GSTCD: variants seen among roughly 807,000 people sequenced by gnomAD.
The protein encoded by GSTCD is glutathione S-transferase C-terminal domain-containing protein.
Under a neutral mutation model 68.3 loss-of-function variants are expected in GSTCD, and 44 were observed. The observed-to-expected ratio is 0.64, with a 90% confidence interval of 0.51 to 0.83. The LOEUF is 0.83. GSTCD is among the 40% of genes least tolerant of loss of function. The pLI is 0.00. For synonymous variants in GSTCD, 273 were observed against 255.2 expected (o/e 1.07, Z -0.67); for missense variants, 739 against 735.9 (o/e 1.00, Z -0.05).
intron 1 of GSTCD, chr4:105,711,077 TTTTTGTTTTG>T (rs1276272534): frequency 2.6e-5 from 4 of 152,202 alleles, no homozygotes; most frequent in Non-Finnish European, 5.9e-5. Context: ...GGGGCATGTT[TTTTTGTTTTG>T]TTTTGTTTTG....
chr4:105,717,685 A>C lies in GSTCD; in HGVS notation c.72A>C (p.Gly24=). Reference sequence around the variant, plus strand: ...TGGACTTTTCTCACCAAACAGAAGGATGCATCTTTCCTCTTCATACATCTG... The same window carrying C: ...TGGACTTTTCTCACCAAACAGAAGGCTGCATCTTTCCTCTTCATACATCTG... ...LYLDFSHQTE[G]CIFPLHTSVT... Residue 24 remains glycine, a synonymous_variant, in exon 2 of 12, where the codon GGA becomes GGC. Transcript: ENST00000515279. The C allele has an allele frequency of 6.2e-7, 1 of 1,612,676 alleles. No individual in the cohort carries two copies. The highest frequency in any genetic ancestry group is 1.3e-5 in the African/African-American group (1 of 74,984).
At chr4:105,835,059 C>T (rs901336005) in intron 9 of GSTCD, among the ~76,000 whole-genome samples, 19 of 152,194 alleles carry the variant, frequency 1.2e-4, no homozygotes, top group African/African-American at 3.4e-4. Context: ...ATGATAATAA[C>T]TACCTCAAGG....
rs1723381895 is a variant in GSTCD at position 105,822,954 on chromosome 4, G to A, written c.1241G>A (p.Gly414Asp). The A allele has an allele frequency of 1.2e-6, 2 of 1,607,756 alleles. No homozygotes were observed. Among genetic ancestry groups the A allele is most frequent in the Middle Eastern group, 1.7e-4 (1 of 6,022 alleles). Residue 414 changes from glycine (G) to aspartate (D), a missense_variant and splice_region_variant, in exon 6 of 12, where the codon GGT becomes GAT. Transcript: ENST00000515279. ...GTTCTTCATTTCTTGTCTTTCTCAG[G>A]TAAAATGTCCAGTGATCGAGCTTTG... ...VLPAAVSPKEGKMSSDRALRK... is the reference protein window; with the variant it reads ...VLPAAVSPKEDKMSSDRALRK...
intron 6 of GSTCD, 56 bp downstream of exon 6, chr4:105,823,125 T>C: frequency 6.4e-7 from 1 of 1,568,052 alleles, no homozygotes; most frequent in Non-Finnish European, 8.8e-7. Context: ...GAGACTTTTC[T>C]ATATTACATT....
intron 3 of GSTCD, 138 bp downstream of exon 3, chr4:105,719,665 G>T: frequency 1.5e-6 from 1 of 653,584 alleles, no homozygotes; most frequent in Non-Finnish European, 2.6e-6. Context: ...TTTCTTATCT[G>T]TAAAATGGTG....
intron 3 of GSTCD, among the ~76,000 whole-genome samples, chr4:105,720,794 A>G (rs1374864390): frequency 3.9e-5 from 6 of 152,202 alleles, no homozygotes; most frequent in Non-Finnish European, 7.3e-5. Context: ...TTGATACATT[A>G]TGAAGTACTT....
chr4:105,754,990 C>G (rs1734130597), intron 5 of GSTCD, among the ~76,000 whole-genome samples: 1 of 124,730 alleles, frequency 8.0e-6, no homozygotes, highest in Admixed American at 1.1e-4. Context: ...GAGGCTGAGA[C>G]AGGAGGATCA....
intron 5 of GSTCD, among the ~76,000 whole-genome samples, chr4:105,737,467 A>G (rs948702316): frequency 2.0e-5 from 3 of 151,958 alleles, no homozygotes; most frequent in Admixed American, 1.3e-4. Context: ...CCTTTGCTGT[A>G]TAGGTTTTTA....
At position 105,811,772 on chromosome 4, in the gene GSTCD, A is replaced by G. The variant is rs72958980; in HGVS notation, c.1241-11182A>G. Among the ~76,000 whole-genome samples the G allele has an allele frequency of 7.1e-3, 1,083 of 152,298 alleles. 9 individuals are homozygous for G. The highest frequency in any genetic ancestry group is 0.024 in the African/African-American group (1,001 of 41,582). On this transcript the variant is annotated intron_variant, in intron 5 of 11. Coordinates refer to ENST00000515279, the MANE Select transcript of GSTCD (RefSeq NM_001370181.1). ...AGGGAAATAGCATGAACACATTTGC[A>G]TTTTAGAAGGAATGGGCATGAAAAG...
At chr4:105,724,638 G>A (rs908734159) in intron 3 of GSTCD, among the ~76,000 whole-genome samples, 3 of 144,838 alleles carry the variant, frequency 2.1e-5, no homozygotes, top group Non-Finnish European at 4.7e-5. Flanking sequence ...ACAAAAAAAT[G>A]GAACTTTAGA....
At chr4:105,740,861 G>A (rs1207794359) in intron 5 of GSTCD, among the ~76,000 whole-genome samples, 3 of 152,000 alleles carry the variant, frequency 2.0e-5, no homozygotes, top group African/African-American at 7.3e-5. Context: ...CAGCCATAGT[G>A]TCAGTTCAAG....
intron 5 of GSTCD, among the ~76,000 whole-genome samples, chr4:105,749,953 TAA>T (rs1201168213): frequency 2.4e-4 from 37 of 152,262 alleles, no homozygotes; most frequent in African/African-American, 5.8e-4. Context: ...TCAAGATATA[TAA>T]AGAGTTCTCA....
At chr4:105,831,612 T>C (rs956039081) in intron 8 of GSTCD, among the ~76,000 whole-genome samples, 4 of 152,262 alleles carry the variant, frequency 2.6e-5, no homozygotes, top group African/African-American at 9.6e-5. Context: ...TTCACATCTC[T>C]TGCTCATTTT....
Position 105,787,620 on chromosome 4 carries a change from TG to T in GSTCD, c.1241-35331del, listed in dbSNP as rs59903260. On this transcript the variant is annotated intron_variant, in intron 5 of 11. Transcript: ENST00000515279. The stretch of plus-strand genomic sequence containing the variant: ...AAGCAGCATTGTCCCTTTTGAAAAC[TG>T]GGAAACCGTTCTTCAAATATTCTCA... Among the ~76,000 whole-genome samples, 485 of 152,016 alleles carry T rather than the reference TG, an allele frequency of 3.2e-3. 4 individuals are homozygous for T. Among genetic ancestry groups the T allele is most frequent in the African/African-American group, 0.011 (462 of 41,352 alleles).
intron 5 of GSTCD, among the ~76,000 whole-genome samples, chr4:105,815,667 A>G (rs1327659946): frequency 1.3e-5 from 2 of 152,202 alleles, no homozygotes; most frequent in African/African-American, 2.4e-5. Context: ...TTACTGTGAA[A>G]CATCAATTGG....
chr4:105,763,323 T>C (rs1734484754), intron 5 of GSTCD, among the ~76,000 whole-genome samples: 1 of 152,208 alleles, frequency 6.6e-6, no homozygotes, highest in Non-Finnish European at 1.5e-5. Context: ...CTTCTCAGCC[T>C]TTATATATGT....
At position 105,740,039 on chromosome 4, in the gene GSTCD, G is replaced by A. The variant is rs559916960; in HGVS notation, c.1240+10540G>A. Among the ~76,000 whole-genome samples, 4 of 152,184 alleles carry A rather than the reference G, an allele frequency of 2.6e-5. No individual in the cohort carries two copies. The East Asian group carries it at 5.8e-4, about 22-fold the overall frequency. On this transcript the variant is annotated intron_variant, in intron 5 of 11. Coordinates refer to ENST00000515279, the MANE Select transcript of GSTCD (RefSeq NM_001370181.1). ...TGGGGATGTCAGGGCATTGGACAGG[G>A]GTGGTTTGGCAGCAGCTTAGCCTCA...
intron 1 of GSTCD, among the ~76,000 whole-genome samples, chr4:105,713,485 A>T (rs1732598794): frequency 1.3e-5 from 2 of 152,214 alleles, no homozygotes; most frequent in South Asian, 4.1e-4. Flanking sequence ...TTTATTTATA[A>T]ATAGTACTGT....
intron 5 of GSTCD, among the ~76,000 whole-genome samples, chr4:105,760,626 G>A (rs1317337739): frequency 6.6e-6 from 1 of 152,138 alleles, no homozygotes; most frequent in East Asian, 1.9e-4. Flanking sequence ...CTTGAATTTG[G>A]CCTTGAATCA....
Sources: gnomAD v4.1 joint callset for allele counts (sites outside exome capture counted in the v4.1 genomes callset) on GRCh38, gnomAD v4.1.1 for gene constraint, MANE v1.5 for transcripts, NCBI Gene and HGNC (gene_info 2026-07-23, HGNC 2026-07-21) for gene names.